The following CDC45 variants were observed in gnomAD, a reference collection of about 807,000 sequenced individuals.
CDC45 encodes the protein cell division cycle 45, also known as cell division control protein 45 homolog.
Under a neutral mutation model 77.8 loss-of-function variants are expected in CDC45, and 54 were observed. The ratio of observed to expected loss-of-function variants is 0.69; its 90% CI spans 0.56 to 0.87. The LOEUF is 0.87. Ranked by LOEUF, CDC45 falls within the 40% of genes least tolerant of loss-of-function variation. The probability of loss-of-function intolerance (pLI) is 0.00; values close to 1 mark genes in which losing one functional copy is unlikely to be tolerated. For synonymous variants in CDC45, 260 were observed against 272.1 expected (o/e 0.96, Z 0.44); for missense variants, 649 against 721.6 (o/e 0.90, Z 1.15).
intron 5 of CDC45, among the ~76,000 whole-genome samples, chr22:19,488,925 G>A (rs185048215): frequency 2.6e-5 from 4 of 152,040 alleles, no homozygotes; most frequent in Admixed American, 6.6e-5. Flanking sequence ...ATAATATCAC[G>A]GTCAGGATGG....
intron 3 of CDC45, 80 bp from the exon 4 acceptor site, chr22:19,482,610 A>C: frequency 2.7e-6 from 4 of 1,464,006 alleles, no homozygotes; most frequent in Non-Finnish European, 3.8e-6. Flanking sequence ...GAGTTTAAGC[A>C]GAACAACTCA....
chr22:19,487,681 AG>A (rs2090092032), intron 5 of CDC45, among the ~76,000 whole-genome samples: 1 of 152,172 alleles, frequency 6.6e-6, no homozygotes, highest in Admixed American at 6.5e-5. Flanking sequence ...TGGGAGGCCG[AG>A]GTGGGTGGAT....
At position 19,494,839 on chromosome 22, in the gene CDC45, G is replaced by C. The variant is rs571756921; in HGVS notation, c.542+457G>C. Among the ~76,000 whole-genome samples the C allele has an allele frequency of 7.2e-5, 11 of 152,284 alleles. No homozygotes were observed. The East Asian group carries it at 2.1e-3, about 29-fold the overall frequency. The stretch of plus-strand genomic sequence containing the variant: ...AGGCCATCCAGCTGATGTTCCCCCT[G>C]TTTCAGCTGAGGGCATGCACTCCTG... On this transcript the variant is annotated intron_variant, in intron 6 of 18. Coordinates refer to ENST00000263201, the MANE Select transcript of CDC45 (RefSeq NM_003504.5).
rs544438010 is a variant in CDC45 at position 19,516,719 on chromosome 22, G to A, written c.1559+74G>A. On this transcript the variant is annotated intron_variant, in intron 16 of 18. Coordinates refer to ENST00000263201, the MANE Select transcript of CDC45 (RefSeq NM_003504.5). ...GTTATCAGCTTATTAGCCCTGCTGA[G>A]TAGAGTGGTATTTGCCTCTAGTGTC... The A allele has an allele frequency of 5.2e-5, 62 of 1,203,452 alleles. No homozygotes were observed. In the African/African-American group the frequency reaches 9.0e-4, roughly 17 times the overall value. The allele number at this position is 1,203,452 out of a possible 1,614,324, so 74.5% of individuals were successfully genotyped here.
chr22:19,501,095 G>A (rs369839985), intron 9 of CDC45, among the ~76,000 whole-genome samples: 3 of 152,090 alleles, frequency 2.0e-5, no homozygotes, highest in South Asian at 2.1e-4. Flanking sequence ...CAGAGGAATC[G>A]CTTGAACCCA....
chr22:19,515,362 G>A (rs1444755986), intron 15 of CDC45, among the ~76,000 whole-genome samples: 2 of 152,144 alleles, frequency 1.3e-5, no homozygotes, highest in Non-Finnish European at 1.5e-5. Flanking sequence ...TTGTAGCACC[G>A]ACTGGCTTCC....
intron 9 of CDC45, among the ~76,000 whole-genome samples, chr22:19,504,295 TTTTG>T (rs746935266): frequency 2.1e-4 from 32 of 151,528 alleles, no homozygotes; most frequent in East Asian, 7.8e-4. Flanking sequence ...GCTTTTTTGG[TTTTG>T]TTTGTTTGTT....
At chr22:19,504,992 C>A in intron 9 of CDC45, 1 of 238,686 alleles carries the variant, frequency 4.2e-6, no homozygotes, top group South Asian at 6.0e-5. Context: ...CCTCCCCCTG[C>A]CCTCATTAAT....
At position 19,518,993 on chromosome 22, in the gene CDC45, G is replaced by A. The variant is rs149026997; in HGVS notation, c.*1+84G>A. The A allele has an allele frequency of 7.6e-4, 788 of 1,039,318 alleles. 4 individuals carry two copies. Among genetic ancestry groups the A allele is most frequent in the African/African-American group, 6.2e-3 (392 of 63,472 alleles). 64.4% of individuals were successfully genotyped at this position (1,039,318 alleles called of 1,614,324 possible). A position where few individuals can be genotyped will look rare whatever the true frequency, so the allele number is the denominator to read the frequency against. On this transcript the variant is annotated intron_variant, in intron 18 of 18. Transcript: ENST00000263201. Reference sequence around the variant, plus strand: ...ATGCCCTGCTCTGTCCTCCCTCAACGGAGGCTTCTACTTGGGTTTCAGACC... The same window carrying A: ...ATGCCCTGCTCTGTCCTCCCTCAACAGAGGCTTCTACTTGGGTTTCAGACC...
At chr22:19,504,062 G>A (rs1027561178) in intron 9 of CDC45, among the ~76,000 whole-genome samples, 13 of 152,242 alleles carry the variant, frequency 8.5e-5, no homozygotes, top group African/African-American at 1.7e-4. Flanking sequence ...CAGCGAAGGC[G>A]CACCAAGCCG....
At chr22:19,484,342 C>T (rs2090032256) in intron 5 of CDC45, among the ~76,000 whole-genome samples, 2 of 152,224 alleles carry the variant, frequency 1.3e-5, no homozygotes, top group Admixed American at 1.3e-4. Flanking sequence ...TGTCTTCTAG[C>T]ATCACTTACT....
Position 19,481,035 on chromosome 22 carries a change from A to G in CDC45, c.194A>G (p.His65Arg), listed in dbSNP as rs1430158206. The G allele has an allele frequency of 3.7e-6, 6 of 1,610,094 alleles. No homozygotes were observed. The highest frequency in any genetic ancestry group is 2.2e-5 in the East Asian group (1 of 44,862). ...WQELETAFLE[H>R]KEQFHYFILI... ...GAACTTGAAACTGCATTTCTTGAGC[A>G]TAAAGAACAGGTATTGAAGATGCGT... The change falls in exon 3 of 19, where the codon CAT becomes CGT. Residue 65 changes from histidine (H) to arginine (R), a missense_variant. Coordinates refer to ENST00000263201, the MANE Select transcript of CDC45 (RefSeq NM_003504.5).
chr22:19,480,495 A>G lies in CDC45; in HGVS notation c.111+278A>G, dbSNP rs973766861. Among the ~76,000 whole-genome samples, 11 of 152,274 alleles carry G rather than the reference A, an allele frequency of 7.2e-5. 1 individual carries two copies. The South Asian group carries it at 2.3e-3, about 32-fold the overall frequency. ...ATTAATATTAATAGGTGAACACAGC[A>G]GTTGCATTTGGGGGAAACTTTGGAT... On this transcript the variant is annotated intron_variant, in intron 2 of 18. Transcript: ENST00000263201.
At chr22:19,482,065 CCT>C (rs1213741913) in intron 3 of CDC45, among the ~76,000 whole-genome samples, 1 of 152,216 alleles carries the variant, frequency 6.6e-6, no homozygotes, top group Non-Finnish European at 1.5e-5. Context: ...ATTCCTCCCA[CCT>C]CTGCATGGGG....
intron 13 of CDC45, among the ~76,000 whole-genome samples, chr22:19,513,765 A>C (rs574408957): frequency 6.6e-6 from 1 of 152,220 alleles, no homozygotes; most frequent in Non-Finnish European, 1.5e-5. Flanking sequence ...ATATCTGACA[A>C]TATCTTTATT....
chr22:19,495,662 T>A (rs1018512349), intron 6 of CDC45, among the ~76,000 whole-genome samples: 6 of 152,076 alleles, frequency 3.9e-5, no homozygotes, highest in South Asian at 2.1e-4. Context: ...TATTAAAAAA[T>A]TTTTTTAAAA....
chr22:19,514,726 G>A, intron 13 of CDC45, 23 bp from the exon 14 acceptor site: 3 of 1,571,346 alleles, frequency 1.9e-6, no homozygotes, highest in Non-Finnish European at 2.6e-6. Context: ...CACCACCAAA[G>A]CCATGTGTCT....
At position 19,513,069 on chromosome 22, in the gene CDC45, G is replaced by A. The variant is rs149510906; in HGVS notation, c.1218-1680G>A. On this transcript the variant is annotated intron_variant, in intron 13 of 18. Transcript: ENST00000263201. ...ACTCACTTACACCCCCTAGCCCCAGGGAGAGCATTCATCTATTCATGAGGG... is the reference window on the plus strand; with the variant it reads ...ACTCACTTACACCCCCTAGCCCCAGAGAGAGCATTCATCTATTCATGAGGG... Among the ~76,000 whole-genome samples the A allele has an allele frequency of 2.5e-3, 374 of 152,248 alleles. 2 individuals carry two copies. Among genetic ancestry groups the A allele is most frequent in the African/African-American group, 8.7e-3 (362 of 41,526 alleles).
intron 9 of CDC45, 34 bp downstream of exon 9, chr22:19,499,185 C>A: frequency 1.2e-6 from 2 of 1,610,878 alleles, no homozygotes; most frequent in Middle Eastern, 1.7e-4. Flanking sequence ...GCAGGGTCAG[C>A]CCTGTGCTGT....
Sources: gnomAD v4.1 joint callset for allele counts (sites outside exome capture counted in the v4.1 genomes callset) on GRCh38, gnomAD v4.1.1 for gene constraint, MANE v1.5 for transcripts, NCBI Gene and HGNC (gene_info 2026-07-23, HGNC 2026-07-21) for gene names.